TLL1: variants seen among roughly 807,000 people sequenced by gnomAD.
TLL1 encodes the protein tolloid-like protein 1.
A neutral mutation model predicts 128.2 loss-of-function variants in TLL1; 49 were observed. The ratio of observed to expected loss-of-function variants is 0.38; its 90% CI spans 0.30 to 0.48. TLL1 has a LOEUF of 0.48. Among genes scored for constraint, TLL1 ranks in the 20% least tolerant of loss-of-function variants. The pLI is 0.96. For synonymous variants in TLL1, 454 were observed against 418.8 expected (o/e 1.08, Z -1.03); for missense variants, 1,123 against 1,242.0 (o/e 0.90, Z 1.44).
chr4:166,027,114 A>G (rs183016663), intron 9 of TLL1, among the ~76,000 whole-genome samples: 6 of 152,266 alleles, frequency 3.9e-5, no homozygotes, highest in African/African-American at 1.4e-4. Context: ...AAAAGGCCAT[A>G]ATCCTAAGTG....
chr4:166,065,649 A>G, intron 15 of TLL1, 34 bp from the exon 16 acceptor site: 3 of 1,607,980 alleles, frequency 1.9e-6, no homozygotes, highest in Non-Finnish European at 2.6e-6. Flanking sequence ...TTGTACTCAC[A>G]AATCTGGCAA....
chr4:165,894,310 C>G lies in TLL1; in HGVS notation c.169+20237C>G, dbSNP rs183959400. Among the ~76,000 whole-genome samples the G allele has an allele frequency of 2.1e-3, 325 of 152,004 alleles. 6 individuals carry two copies. The highest frequency in any genetic ancestry group is 7.1e-4 in the Non-Finnish European group (48 of 67,984). ...GATAAAGAGAAAATATTAGAAGAAG[C>G]CAGAGGGAAGAACACACTACAGGGG... On this transcript the variant is annotated intron_variant, in intron 1 of 20. Coordinates refer to ENST00000061240, the MANE Select transcript of TLL1 (RefSeq NM_012464.5).
At chr4:166,067,029 G>A (rs745523562) in intron 16 of TLL1, among the ~76,000 whole-genome samples, 33 of 151,778 alleles carry the variant, frequency 2.2e-4, no homozygotes, top group African/African-American at 7.7e-4. Context: ...TTTAAAAATT[G>A]AGATTATGAA....
intron 1 of TLL1, among the ~76,000 whole-genome samples, chr4:165,931,097 G>A (rs553452359): frequency 6.6e-6 from 1 of 152,178 alleles, no homozygotes; most frequent in African/African-American, 2.4e-5. Context: ...TGTAAATAAA[G>A]TTGAAGAATA....
intron 18 of TLL1, among the ~76,000 whole-genome samples, chr4:166,088,577 A>G (rs1741623920): frequency 6.6e-6 from 1 of 152,070 alleles, no homozygotes; most frequent in Non-Finnish European, 1.5e-5. Context: ...GAAAAGGACC[A>G]CCCAGCCTTG....
rs1045434010 is a variant in TLL1 at position 166,025,523 on chromosome 4, T to C, written c.1158+92T>C. Reference sequence around the variant, plus strand: ...TATAAATTTGCTTTATCCTTTATTCTTGTTTGAGTTTTCAAATGGACTAAA... The same window carrying C: ...TATAAATTTGCTTTATCCTTTATTCCTGTTTGAGTTTTCAAATGGACTAAA... On this transcript the variant is annotated intron_variant, in intron 9 of 20. Coordinates refer to ENST00000061240, the MANE Select transcript of TLL1 (RefSeq NM_012464.5). 2.9e-6 allele frequency: 3 copies of C among 1,032,402 alleles called. No individual in the cohort carries two copies. The African/African-American group carries it at 4.8e-5, about 17-fold the overall frequency. The allele number at this position is 1,032,402 out of a possible 1,614,324, so 64.0% of individuals were successfully genotyped here.
chr4:166,075,046 C>T, intron 17 of TLL1, 43 bp downstream of exon 17: 2 of 1,608,860 alleles, frequency 1.2e-6, no homozygotes, highest in Non-Finnish European at 1.7e-6. Flanking sequence ...TGTAGAATTT[C>T]ATGTGGTTTG....
chr4:165,932,157 A>G (rs1009849387), intron 1 of TLL1, among the ~76,000 whole-genome samples: 4 of 152,190 alleles, frequency 2.6e-5, no homozygotes, highest in Non-Finnish European at 4.4e-5. Context: ...GAGACATTCA[A>G]AATCAGAAGG....
In TLL1 at chr4:165,943,872, A is replaced by G. The variant is rs873243; in HGVS notation, c.170-45509A>G. Reference sequence around the variant, plus strand: ...CAGTGTATATTGGCTTCTGCTCATCATGGTATTATTAGGTTTTCCTATTCC... The same window carrying G: ...CAGTGTATATTGGCTTCTGCTCATCGTGGTATTATTAGGTTTTCCTATTCC... On this transcript the variant is annotated intron_variant, in intron 1 of 20. Transcript: ENST00000061240. Among the ~76,000 whole-genome samples the G allele has an allele frequency of 9.8e-3, 1,492 of 152,168 alleles. 26 individuals carry two copies. The highest frequency in any genetic ancestry group is 0.034 in the African/African-American group (1,425 of 41,530).
chr4:166,014,568 A>C lies in TLL1; in HGVS notation c.1042+8A>C, dbSNP rs771660167. On this transcript the variant is annotated splice_region_variant and intron_variant, in intron 8 of 20. Coordinates refer to ENST00000061240, the MANE Select transcript of TLL1 (RefSeq NM_012464.5). Reference sequence around the variant, plus strand: ...AGCTGTATAGATGTCCAGGTATTGCACTACACAAACACAAGAGCATGACTG... The same window carrying C: ...AGCTGTATAGATGTCCAGGTATTGCCCTACACAAACACAAGAGCATGACTG... The C allele has an allele frequency of 6.2e-7, 1 of 1,611,238 alleles. No individual in the cohort carries two copies. The highest frequency in any genetic ancestry group is 8.5e-7 in the Non-Finnish European group (1 of 1,178,128).
intron 1 of TLL1, among the ~76,000 whole-genome samples, chr4:165,946,496 C>A (rs1249401601): frequency 6.8e-6 from 1 of 146,266 alleles, no homozygotes; most frequent in Non-Finnish European, 1.5e-5. Flanking sequence ...GCATACCCAG[C>A]TAATTTTTTT....
intron 6 of TLL1, among the ~76,000 whole-genome samples, chr4:166,005,360 G>A (rs775403437): frequency 6.6e-6 from 1 of 151,978 alleles, no homozygotes; most frequent in Non-Finnish European, 1.5e-5. Flanking sequence ...GGGAAAAACT[G>A]GATGGAGAAT....
chr4:165,943,043 G>T lies in TLL1; in HGVS notation c.170-46338G>T, dbSNP rs77269193. 3.3e-5 allele frequency among the ~76,000 whole-genome samples: 5 copies of T among 151,984 alleles called. No homozygotes were observed. In the East Asian group the frequency reaches 7.7e-4, roughly 23 times the overall value. ...TAGGACATTCAAGTTCCCTTTATTC[G>T]CCTTTAAATTTGCAACATTTGTCTA... On this transcript the variant is annotated intron_variant, in intron 1 of 20. Transcript: ENST00000061240.
rs572249850 is a variant in TLL1, at chr4:165,898,523, G to A, written c.169+24450G>A. On this transcript the variant is annotated intron_variant, in intron 1 of 20. Coordinates refer to ENST00000061240, the MANE Select transcript of TLL1 (RefSeq NM_012464.5). Reference sequence around the variant, plus strand: ...TTGTCATTGGTTGTGTTTATGTGATGGATTATGTTTATTGATTTGCATATG... The same window carrying A: ...TTGTCATTGGTTGTGTTTATGTGATAGATTATGTTTATTGATTTGCATATG... Among the ~76,000 whole-genome samples, 238 of 152,202 alleles carry A rather than the reference G, an allele frequency of 1.6e-3. 1 individual carries two copies. The highest frequency in any genetic ancestry group is 5.4e-3 in the African/African-American group (224 of 41,510).
At chr4:166,043,993 T>C (rs1739352454) in intron 12 of TLL1, among the ~76,000 whole-genome samples, 1 of 152,148 alleles carries the variant, frequency 6.6e-6, no homozygotes, top group African/African-American at 2.4e-5. Flanking sequence ...GATCAAAGTC[T>C]GGGTCCAGAA....
chr4:165,957,035 A>T (rs1385160942), intron 1 of TLL1, among the ~76,000 whole-genome samples: 1 of 151,950 alleles, frequency 6.6e-6, no homozygotes, highest in African/African-American at 2.4e-5. Flanking sequence ...CAATCTAAAC[A>T]CCCCACTTAA....
At chr4:166,097,755 A>G (rs1742089827) in intron 19 of TLL1, among the ~76,000 whole-genome samples, 2 of 152,114 alleles carry the variant, frequency 1.3e-5, no homozygotes, top group South Asian at 4.1e-4. Flanking sequence ...GTCACAGACT[A>G]CCATCACAGT....
At chr4:165,985,813 G>T (rs751853789) in intron 1 of TLL1, among the ~76,000 whole-genome samples, 4 of 151,872 alleles carry the variant, frequency 2.6e-5, no homozygotes, top group Non-Finnish European at 4.4e-5. Context: ...GTGCATTAAC[G>T]GCAAATAACC....
Position 166,065,869 on chromosome 4 carries a change from A to G in TLL1, c.2188+6A>G. ...CAAAGCACATTTTTTCTCAGGTATA[A>G]GCATTCACATGTTGTATGTGTATAT... is the stretch of plus-strand genomic sequence containing the variant. On this transcript the variant is annotated splice_donor_region_variant and intron_variant, in intron 16 of 20. Transcript: ENST00000061240. The G allele has an allele frequency of 6.3e-7, 1 of 1,598,092 alleles. No individual in the cohort carries two copies. Among genetic ancestry groups the G allele is most frequent in the Non-Finnish European group, 8.5e-7 (1 of 1,172,318 alleles).
Sources: gnomAD v4.1 joint callset for allele counts (sites outside exome capture counted in the v4.1 genomes callset) on GRCh38, gnomAD v4.1.1 for gene constraint, MANE v1.5 for transcripts, NCBI Gene and HGNC (gene_info 2026-07-23, HGNC 2026-07-21) for gene names.